The following HIPK2 variants were observed in gnomAD, a reference collection of about 807,000 sequenced individuals.
HIPK2 encodes homeodomain interacting protein kinase 2.
HIPK2 carries 27 observed loss-of-function variants against 113.7 expected under a neutral mutation model. The ratio of observed to expected loss-of-function variants is 0.24; its 90% CI spans 0.17 to 0.33. The LOEUF is 0.33. HIPK2 is among the 10% of genes least tolerant of loss of function. HIPK2 has a pLI of 1.00. For synonymous variants in HIPK2, 631 were observed against 642.2 expected (o/e 0.98, Z 0.26); for missense variants, 1,257 against 1,588.0 (o/e 0.79, Z 3.54).
intron 2 of HIPK2, among the ~76,000 whole-genome samples, chr7:139,687,888 A>C (rs1585380535): frequency 6.6e-6 from 1 of 152,204 alleles, no homozygotes; most frequent in Non-Finnish European, 1.5e-5. Flanking sequence ...AAGGATCCAG[A>C]GATGAGAGGA....
chr7:139,671,021 C>A (rs1269810954), intron 2 of HIPK2, among the ~76,000 whole-genome samples: 7 of 151,974 alleles, frequency 4.6e-5, no homozygotes, highest in African/African-American at 1.7e-4. Flanking sequence ...TCAGCCTCCC[C>A]AAGTGCTGGG....
At chr7:139,749,532 T>A (rs1796245275) in intron 1 of HIPK2, among the ~76,000 whole-genome samples, 1 of 152,212 alleles carries the variant, frequency 6.6e-6, no homozygotes, top group Admixed American at 6.5e-5. Context: ...CTACTTCACA[T>A]CAGGCTAAGA....
chr7:139,750,931 T>C (rs1796268498), intron 1 of HIPK2, among the ~76,000 whole-genome samples: 1 of 152,242 alleles, frequency 6.6e-6, no homozygotes, highest in Non-Finnish European at 1.5e-5. Flanking sequence ...TTTGATGTTA[T>C]GAAGCTCAGC....
intron 2 of HIPK2, among the ~76,000 whole-genome samples, chr7:139,668,749 A>G (rs905007910): frequency 3.3e-5 from 5 of 152,346 alleles, no homozygotes; most frequent in African/African-American, 1.2e-4. Context: ...ATGCTATTCA[A>G]AATTTCTGGG....
At chr7:139,717,874 G>A (rs559892355) in intron 1 of HIPK2, among the ~76,000 whole-genome samples, 2 of 151,970 alleles carry the variant, frequency 1.3e-5, no homozygotes, top group South Asian at 2.1e-4. Flanking sequence ...GCCTCCAAAG[G>A]CTGGGATTAT....
chr7:139,706,968 C>CA lies in HIPK2; in HGVS notation c.1103+8963dup, dbSNP rs1794918262. ...ACCTCTGACCCTGCTCAAGCCCACT[C>CA]AGTCCTGGCACAAGCTCTGCCCAAG... On this transcript the variant is annotated intron_variant, in intron 2 of 14. Coordinates refer to ENST00000406875, the MANE Select transcript of HIPK2 (RefSeq NM_022740.5). 7.9e-5 allele frequency among the ~76,000 whole-genome samples: 12 copies of CA among 152,340 alleles called. No homozygotes were observed. The South Asian group carries it at 2.5e-3, about 32-fold the overall frequency.
rs1180419870 is a variant in HIPK2 at position 139,563,445 on chromosome 7, A to C, written c.*9482T>G. 6.4e-6 allele frequency: 1 copy of C among 155,754 alleles called. No individual in the cohort carries two copies. The highest frequency in any genetic ancestry group is 1.4e-5 in the Non-Finnish European group (1 of 70,468). 9.6% of individuals were successfully genotyped at this position (155,754 alleles called of 1,614,324 possible). On this transcript the variant is annotated 3_prime_UTR_variant, in exon 15 of 15. Coordinates refer to ENST00000406875, the MANE Select transcript of HIPK2 (RefSeq NM_022740.5). The stretch of plus-strand genomic sequence containing the variant: ...CGGGGACAGTGACCCTATATAAGGA[A>C]GGGGGCGGTGCCAGGAGAGATTCGT...
At chr7:139,696,550 T>G in intron 2 of HIPK2, among the ~76,000 whole-genome samples, 1 of 151,014 alleles carries the variant, frequency 6.6e-6, no homozygotes, top group South Asian at 2.1e-4. Flanking sequence ...ACCACTATAC[T>G]TTAGCCAGGG....
intron 1 of HIPK2, among the ~76,000 whole-genome samples, chr7:139,721,135 C>A (rs993949496): frequency 1.5e-4 from 23 of 152,322 alleles, no homozygotes; most frequent in Admixed American, 2.6e-4. Flanking sequence ...AAGTCAACAG[C>A]CGCTATTCCA....
Position 139,716,863 on chromosome 7 carries a change from G to C in HIPK2, c.172C>G (p.Pro58Ala), listed in dbSNP as rs1795261415. 1 of 1,613,846 alleles carries C rather than the reference G, an allele frequency of 6.2e-7. No homozygotes were observed. Among genetic ancestry groups the C allele is most frequent in the Non-Finnish European group, 8.5e-7 (1 of 1,179,866 alleles). Residue 58 changes from proline to alanine, a missense_variant, in exon 2 of 15, where the codon CCC becomes GCC. Pro to Ala is a conservative substitution (Grantham distance 27). Coordinates refer to ENST00000406875, the MANE Select transcript of HIPK2 (RefSeq NM_022740.5). This position sits in a 1 kb window ranked among gnomAD's most constrained non-coding sequence, Gnocchi z 9.3. ...SKVYSQSKNI[P>A]LSQPATTTVS... ...GTTGTGGTGGCTGGCTGCGACAGGG[G>C]GATGTTCTTGCTCTGGCTATACACT...
intron 2 of HIPK2, among the ~76,000 whole-genome samples, chr7:139,705,939 G>A (rs1215821913): frequency 6.6e-6 from 1 of 152,120 alleles, no homozygotes; most frequent in Non-Finnish European, 1.5e-5. Context: ...CTTTGTTCAT[G>A]CAGCTCTTAC....
At chr7:139,759,235 CA>C (rs2117136690) in intron 1 of HIPK2, among the ~76,000 whole-genome samples, 1 of 152,290 alleles carries the variant, frequency 6.6e-6, no homozygotes, top group South Asian at 2.1e-4. Flanking sequence ...AAAGCTATAA[CA>C]AAATACCATT....
intron 13 of HIPK2, among the ~76,000 whole-genome samples, chr7:139,578,949 T>A (rs1367269245): frequency 6.6e-6 from 1 of 152,102 alleles, no homozygotes; most frequent in African/African-American, 2.4e-5. Flanking sequence ...GCTGGGATTA[T>A]AGGCGTGAGC....
chr7:139,696,031 C>T (rs966282414), intron 2 of HIPK2, among the ~76,000 whole-genome samples: 71 of 152,210 alleles, frequency 4.7e-4, no homozygotes, highest in South Asian at 3.5e-3. Context: ...TTTAAGACTT[C>T]GGAGAACTGG....
At chr7:139,612,574 G>A (rs1281905880) in intron 9 of HIPK2, among the ~76,000 whole-genome samples, 1 of 152,158 alleles carries the variant, frequency 6.6e-6, no homozygotes, top group Non-Finnish European at 1.5e-5. Context: ...AAGTGCCCTG[G>A]TATAATGATG....
At chr7:139,729,014 T>C (rs1273364597) in intron 1 of HIPK2, among the ~76,000 whole-genome samples, 1 of 152,094 alleles carries the variant, frequency 6.6e-6, no homozygotes, top group African/African-American at 2.4e-5. Context: ...GGAGCAACTG[T>C]AGTCACTTTG....
At chr7:139,738,891 A>G (rs1796020927) in intron 1 of HIPK2, among the ~76,000 whole-genome samples, 1 of 152,230 alleles carries the variant, frequency 6.6e-6, no homozygotes, top group Non-Finnish European at 1.5e-5. Context: ...AATGGAACCC[A>G]GGATGTCCAA....
At position 139,761,626 on chromosome 7, in the gene HIPK2, C is replaced by T. The variant is rs1796465618; in HGVS notation, c.19+15979G>A. On this transcript the variant is annotated intron_variant, in intron 1 of 14. Coordinates refer to ENST00000406875, the MANE Select transcript of HIPK2 (RefSeq NM_022740.5). ...GGAGGCAAGACCAGCAACTGGTCTG[C>T]TGCTTCAATAAGAGACTGTGCTGGA... Among the ~76,000 whole-genome samples the T allele has an allele frequency of 2.0e-5, 3 of 152,298 alleles. No homozygotes were observed. The South Asian group carries it at 6.2e-4, about 32-fold the overall frequency.
chr7:139,755,882 C>A (rs1796353877), intron 1 of HIPK2, among the ~76,000 whole-genome samples: 1 of 152,220 alleles, frequency 6.6e-6, no homozygotes, highest in Non-Finnish European at 1.5e-5. Flanking sequence ...ATCCATCTGC[C>A]CTTCAGATAC....
Sources: allele counts gnomAD v4.1 joint callset (sites outside exome capture counted in the v4.1 genomes callset), GRCh38; gene constraint gnomAD v4.1.1; non-coding constraint Gnocchi (gnomAD v3.1); transcripts MANE v1.5; gene names NCBI Gene and HGNC (gene_info 2026-07-23, HGNC 2026-07-21).